MIA2: variants seen among roughly 807,000 people sequenced by gnomAD.
MIA2 encodes melanoma inhibitory activity protein 2.
MIA2 carries 127 observed loss-of-function variants against 167.8 expected under a neutral mutation model. The ratio of observed to expected loss-of-function variants is 0.76; its 90% CI spans 0.66 to 0.88. The LOEUF is 0.88. MIA2 is among the 40% of genes least tolerant of loss of function. The pLI is 0.00. For missense variants in MIA2, 1,690 were observed against 1,624.7 expected, an observed-to-expected ratio of 1.04 and a Z score of -0.69; for synonymous variants, 552 against 541.9, an observed-to-expected ratio of 1.02 and a Z score of -0.26.
chr14:39,265,097 G>GT (rs2055390205), intron 6 of MIA2, among the ~76,000 whole-genome samples: 1 of 152,042 alleles, frequency 6.6e-6, no homozygotes, highest in East Asian at 1.9e-4. Context: ...ATTATAGATT[G>GT]TAAGAGGGTA....
At chr14:39,235,854 C>T (rs2053716934) in intron 1 of MIA2, among the ~76,000 whole-genome samples, 1 of 151,664 alleles carries the variant, frequency 6.6e-6, no homozygotes. Flanking sequence ...TCCTTAGGGC[C>T]AGATATAGAA....
In MIA2 at chr14:39,265,018, A is replaced by G. The variant is rs183221580; in HGVS notation, c.1887+11847A>G. ...TTAAATGATAGAGATCATGTACTCT[A>G]TATGAATAGGCTATAGAATAAAACA... is the stretch of plus-strand genomic sequence containing the variant. On this transcript the variant is annotated intron_variant, in intron 6 of 28. Transcript: ENST00000640607. 7.2e-5 allele frequency among the ~76,000 whole-genome samples: 11 copies of G among 152,252 alleles called. No individual in the cohort carries two copies. The East Asian group carries it at 1.9e-3, about 27-fold the overall frequency.
At chr14:39,245,081 C>CTTTTT (rs10683715) in intron 3 of MIA2, among the ~76,000 whole-genome samples, 5 of 119,716 alleles carry the variant, frequency 4.2e-5, no homozygotes, top group Non-Finnish European at 6.6e-5. Context: ...CCTAGCTAAC[C>CTTTTT]TTTTTTTTTT....
chr14:39,360,895 G>A (rs1355452424), intron 23 of MIA2, among the ~76,000 whole-genome samples: 3 of 152,126 alleles, frequency 2.0e-5, no homozygotes, highest in Non-Finnish European at 4.4e-5. Flanking sequence ...TTCCCAACTC[G>A]ATTTATTGAG....
At chr14:39,323,111 A>G (rs1292630945) in intron 24 of MIA2, among the ~76,000 whole-genome samples, 1 of 152,208 alleles carries the variant, frequency 6.6e-6, no homozygotes, top group Non-Finnish European at 1.5e-5. Context: ...AATTGCTTTC[A>G]AATAATATGA....
Position 39,277,007 on chromosome 14 carries a change from G to T in MIA2, c.1961G>T (p.Cys654Phe), listed in dbSNP as rs760234223. Residue 654 changes from cysteine to phenylalanine, a missense_variant, in exon 7 of 29, where the codon TGT (cysteine) becomes TTT (phenylalanine). Cys to Phe is a radical substitution (Grantham distance 205, BLOSUM62 -2). Transcript: ENST00000640607. ...GGTTTTCCATGGGAATTGGTGATAT[G>T]TGCAGCTGTTGTTGGATTTTTTGCT... ...LYGFPWELVI[C>F]AAVVGFFAVL... The T allele has an allele frequency of 1.2e-6, 2 of 1,613,858 alleles. No individual in the cohort carries two copies. The highest frequency in any genetic ancestry group is 1.7e-5 in the Admixed American group (1 of 60,002).
chr14:39,269,544 G>A (rs1594813446), intron 6 of MIA2, among the ~76,000 whole-genome samples: 1 of 150,632 alleles, frequency 6.6e-6, no homozygotes, highest in Admixed American at 6.6e-5. Flanking sequence ...TTTGAGACAG[G>A]GTCTCATCCC....
intron 9 of MIA2, among the ~76,000 whole-genome samples, chr14:39,282,790 C>G (rs2059133634): frequency 6.6e-6 from 1 of 152,138 alleles, no homozygotes; most frequent in South Asian, 2.1e-4. Context: ...CAAGGATGGT[C>G]TCAAACTCCC....
intron 23 of MIA2, among the ~76,000 whole-genome samples, chr14:39,356,575 C>G (rs766907802): frequency 1.3e-5 from 2 of 152,052 alleles, no homozygotes; most frequent in African/African-American, 2.4e-5. Context: ...TCTGATATTA[C>G]TTATTTCTTG....
chr14:39,323,119 T>C (rs560278093), intron 24 of MIA2, among the ~76,000 whole-genome samples: 3 of 152,366 alleles, frequency 2.0e-5, no homozygotes, highest in African/African-American at 7.2e-5. Flanking sequence ...TCAAATAATA[T>C]GAGAAAATCA....
chr14:39,365,392 C>G (rs559500272), intron 23 of MIA2, among the ~76,000 whole-genome samples: 1 of 152,248 alleles, frequency 6.6e-6, no homozygotes, highest in East Asian at 1.9e-4. Flanking sequence ...TTAGCCTTCT[C>G]TTCTTTTTTC....
At chr14:39,291,908 C>T (rs1463384830) in intron 10 of MIA2, among the ~76,000 whole-genome samples, 1 of 152,114 alleles carries the variant, frequency 6.6e-6, no homozygotes, top group Non-Finnish European at 1.5e-5. Flanking sequence ...CAGAGGACAC[C>T]TGCGTCTGCA....
intron 23 of MIA2, among the ~76,000 whole-genome samples, chr14:39,366,680 G>C (rs1170826285): frequency 1.3e-5 from 2 of 152,202 alleles, no homozygotes; most frequent in Non-Finnish European, 2.9e-5. Flanking sequence ...GTATGCATGG[G>C]TGCAGTTTGT....
intron 23 of MIA2, among the ~76,000 whole-genome samples, chr14:39,371,732 A>G (rs574938529): frequency 2.1e-4 from 32 of 152,372 alleles, no homozygotes; most frequent in African/African-American, 7.5e-4. Context: ...TGAGAAAAAT[A>G]ACTGAATATT....
chr14:39,248,909 T>C (rs1455391115), intron 4 of MIA2, among the ~76,000 whole-genome samples: 1 of 152,060 alleles, frequency 6.6e-6, no homozygotes, highest in Non-Finnish European at 1.5e-5. Flanking sequence ...CCGCTAATTT[T>C]TGTATTTTTT....
chr14:39,331,967 G>A (rs1244971825), intron 25 of MIA2, among the ~76,000 whole-genome samples: 3 of 151,352 alleles, frequency 2.0e-5, no homozygotes, highest in Admixed American at 2.0e-4. Flanking sequence ...TTTGTATTTC[G>A]TGAATTTGAA....
chr14:39,373,193 C>T (rs2074982277), intron 23 of MIA2, among the ~76,000 whole-genome samples: 1 of 151,504 alleles, frequency 6.6e-6, no homozygotes, highest in South Asian at 2.1e-4. Flanking sequence ...TTTAGGATAT[C>T]ACTAAGAAAA....
chr14:39,276,605 A>G (rs553859729), intron 6 of MIA2: 2 of 192,034 alleles, frequency 1.0e-5, no homozygotes, highest in African/African-American at 4.7e-5. Context: ...CTTTACAGAT[A>G]AAACCTGAAC....
chr14:39,261,303 T>C (rs1270117520), intron 6 of MIA2, among the ~76,000 whole-genome samples: 1 of 152,198 alleles, frequency 6.6e-6, no homozygotes, highest in African/African-American at 2.4e-5. Flanking sequence ...TCCATGTCCC[T>C]ACAAAGGACA....
Sources: gnomAD v4.1 joint callset for allele counts (sites outside exome capture counted in the v4.1 genomes callset) on GRCh38, gnomAD v4.1.1 for gene constraint, MANE v1.5 for transcripts, NCBI Gene and HGNC (gene_info 2026-07-23, HGNC 2026-07-21) for gene names.